The following SLC39A11 variants were observed in gnomAD, a reference collection of about 807,000 sequenced individuals.
SLC39A11 encodes the protein solute carrier family 39 member 11, also known as zinc transporter ZIP11.
SLC39A11 carries 33 observed loss-of-function variants against 36.1 expected under a neutral mutation model. The ratio of observed to expected loss-of-function variants is 0.91; its 90% CI spans 0.69 to 1.22. The LOEUF (loss-of-function observed/expected upper bound fraction) is 1.22. Among genes scored for constraint, SLC39A11 ranks in the 50% most tolerant of loss-of-function variants. The probability of loss-of-function intolerance (pLI) is 0.00; values close to 1 mark genes in which losing one functional copy is unlikely to be tolerated. For synonymous variants in SLC39A11, 166 were observed against 170.3 expected (o/e 0.97, Z 0.20); for missense variants, 432 against 430.3 (o/e 1.00, Z -0.03).
chr17:72,735,035 T>A (rs1171756917), intron 7 of SLC39A11, among the ~76,000 whole-genome samples: 1 of 152,184 alleles, frequency 6.6e-6, no homozygotes, highest in Non-Finnish European at 1.5e-5. Context: ...GCCCTTGTTT[T>A]GGGTGACATT....
At chr17:72,968,899 T>G (rs1263226984) in intron 4 of SLC39A11, among the ~76,000 whole-genome samples, 3 of 152,126 alleles carry the variant, frequency 2.0e-5, no homozygotes, top group Non-Finnish European at 4.4e-5. Flanking sequence ...CCAATGTCAT[T>G]GTGCCCTGCG....
At chr17:72,737,471 C>T (rs1256932640) in intron 6 of SLC39A11, among the ~76,000 whole-genome samples, 1 of 152,140 alleles carries the variant, frequency 6.6e-6, no homozygotes, top group African/African-American at 2.4e-5. Context: ...CTGGAACTTT[C>T]ATAACCCCTG....
chr17:72,803,332 A>G (rs1047366345), intron 6 of SLC39A11, among the ~76,000 whole-genome samples: 1 of 152,220 alleles, frequency 6.6e-6, no homozygotes, highest in African/African-American at 2.4e-5. Flanking sequence ...AAATGACCCC[A>G]AAGGCAGACT....
intron 4 of SLC39A11, among the ~76,000 whole-genome samples, chr17:72,958,405 G>A (rs2086382458): frequency 6.6e-6 from 1 of 152,222 alleles, no homozygotes; most frequent in Admixed American, 6.5e-5. Flanking sequence ...AATCAGCAGA[G>A]TAAAGAGACA....
chr17:73,006,699 A>G (rs1239715687), intron 4 of SLC39A11, among the ~76,000 whole-genome samples: 1 of 152,046 alleles, frequency 6.6e-6, no homozygotes, highest in Non-Finnish European at 1.5e-5. Context: ...CACCCCTACA[A>G]AAATTATCAG....
chr17:72,922,585 T>C (rs2083738199), intron 5 of SLC39A11, among the ~76,000 whole-genome samples: 2 of 152,154 alleles, frequency 1.3e-5, no homozygotes, highest in African/African-American at 4.8e-5. Context: ...ACAAACAGGA[T>C]ATGCTGCCAC....
intron 3 of SLC39A11, among the ~76,000 whole-genome samples, chr17:73,064,475 T>A (rs557852687): frequency 2.0e-5 from 3 of 152,158 alleles, no homozygotes; most frequent in Non-Finnish European, 4.4e-5. Context: ...TTGAGATGCC[T>A]GGAGGTTAAA....
At chr17:73,015,964 C>T (rs2058150341) in intron 4 of SLC39A11, among the ~76,000 whole-genome samples, 1 of 152,122 alleles carries the variant, frequency 6.6e-6, no homozygotes, top group Non-Finnish European at 1.5e-5. Context: ...TAACTAAGGT[C>T]AACGAGTCCA....
intron 7 of SLC39A11, among the ~76,000 whole-genome samples, chr17:72,677,824 G>A (rs2071338923): frequency 6.6e-6 from 1 of 152,142 alleles, no homozygotes; most frequent in Non-Finnish European, 1.5e-5. Context: ...GTAGAGGGCA[G>A]GATAAAGAAA....
intron 6 of SLC39A11, among the ~76,000 whole-genome samples, chr17:72,742,528 C>A (rs1296322597): frequency 6.6e-6 from 1 of 152,150 alleles, no homozygotes; most frequent in African/African-American, 2.4e-5. Flanking sequence ...AGATCTTCAC[C>A]AGGGATCCTT....
chr17:72,862,561 T>C (rs1334854119), intron 5 of SLC39A11, among the ~76,000 whole-genome samples: 5 of 152,284 alleles, frequency 3.3e-5, no homozygotes, highest in Non-Finnish European at 7.4e-5. Flanking sequence ...AATGGCTTAG[T>C]TCCTAATGGA....
chr17:72,954,153 T>C (rs574215011), intron 4 of SLC39A11, among the ~76,000 whole-genome samples: 230 of 152,210 alleles, frequency 1.5e-3, no homozygotes, highest in Non-Finnish European at 2.4e-3. Context: ...TTAAAGTGAT[T>C]CTCCTGTCTC....
At chr17:72,724,423 C>G (rs929100197) in intron 7 of SLC39A11, among the ~76,000 whole-genome samples, 5 of 152,022 alleles carry the variant, frequency 3.3e-5, no homozygotes, top group African/African-American at 1.2e-4. Flanking sequence ...TCAAATGGGA[C>G]AAGAGAAAAA....
chr17:72,840,850 T>C (rs987448586), intron 6 of SLC39A11, among the ~76,000 whole-genome samples: 5 of 151,662 alleles, frequency 3.3e-5, no homozygotes, highest in Non-Finnish European at 7.4e-5. Flanking sequence ...GGTCAGGAGA[T>C]CAGGACCATC....
rs540775047 is a variant in SLC39A11, at chr17:72,753,475, T to C, written c.602-16756A>G. Among the ~76,000 whole-genome samples, 6 of 152,350 alleles carry C rather than the reference T, an allele frequency of 3.9e-5. No individual in the cohort carries two copies. In the East Asian group the frequency reaches 9.6e-4, roughly 24 times the overall value. Reference sequence around the variant, plus strand: ...TTTTCAAGAACTCTTTCTTATTCTCTGATTATTCATTTTTATCACAGTCAG... The same window carrying C: ...TTTTCAAGAACTCTTTCTTATTCTCCGATTATTCATTTTTATCACAGTCAG... On this transcript the variant is annotated intron_variant, in intron 6 of 9. Transcript: ENST00000255559.
intron 3 of SLC39A11, among the ~76,000 whole-genome samples, chr17:73,032,096 T>C (rs2058755866): frequency 6.6e-6 from 1 of 152,032 alleles, no homozygotes; most frequent in African/African-American, 2.4e-5. Flanking sequence ...TGGCATCTAA[T>C]GAGTGAGGCC....
intron 6 of SLC39A11, among the ~76,000 whole-genome samples, chr17:72,740,400 G>A (rs966467441): frequency 7.2e-5 from 11 of 152,070 alleles, no homozygotes; most frequent in Admixed American, 2.6e-4. Context: ...ATAAGGAAGA[G>A]AAAATACATT....
intron 7 of SLC39A11, among the ~76,000 whole-genome samples, chr17:72,708,942 T>A (rs2073003666): frequency 6.7e-6 from 1 of 149,348 alleles, no homozygotes; most frequent in Non-Finnish European, 1.5e-5. Context: ...TTTCTTTTCT[T>A]TTTTTTTTTT....
At chr17:72,997,789 T>TTG (rs2089604879) in intron 4 of SLC39A11, among the ~76,000 whole-genome samples, 1 of 152,242 alleles carries the variant, frequency 6.6e-6, no homozygotes, top group Non-Finnish European at 1.5e-5. Flanking sequence ...AGTCACTTAG[T>TTG]AACCGTCTTG....
Sources: allele counts gnomAD v4.1 joint callset (sites outside exome capture counted in the v4.1 genomes callset), GRCh38; gene constraint gnomAD v4.1.1; transcripts MANE v1.5; gene names NCBI Gene and HGNC (gene_info 2026-07-23, HGNC 2026-07-21).